AK8: variants seen among roughly 807,000 people sequenced by gnomAD.
The protein encoded by AK8 is adenylate kinase 8.
In AK8, 44 loss-of-function variants were observed where a neutral mutation model predicts 54.6. The observed-to-expected ratio is 0.81, with a 90% CI of 0.63 to 1.04. AK8 has a LOEUF of 1.04. Among genes scored for constraint, AK8 ranks in the 50% least tolerant of loss-of-function variants. AK8 has a pLI of 0.00. For synonymous variants in AK8, 239 were observed against 245.6 expected, an observed-to-expected ratio of 0.97 and a Z score of 0.25; for missense variants, 555 against 613.6, an observed-to-expected ratio of 0.90 and a Z score of 1.01.
intron 2 of AK8, among the ~76,000 whole-genome samples, chr9:132,870,786 C>A (rs994769281): frequency 2.0e-5 from 3 of 152,196 alleles, no homozygotes; most frequent in Non-Finnish European, 2.9e-5. Context: ...GCTATAGTTA[C>A]CCCAGGCCGC....
At chr9:132,777,606 G>A (rs1032047971) in intron 11 of AK8, among the ~76,000 whole-genome samples, 2 of 152,142 alleles carry the variant, frequency 1.3e-5, no homozygotes, top group Non-Finnish European at 2.9e-5. Context: ...CAGCAAATAT[G>A]TCCATTAGCC....
At chr9:132,869,034 G>A (rs1233342391) in intron 2 of AK8, among the ~76,000 whole-genome samples, 1 of 152,136 alleles carries the variant, frequency 6.6e-6, no homozygotes, top group Non-Finnish European at 1.5e-5. Context: ...CAAAAAATTA[G>A]ACAGGCGTGG....
chr9:132,750,871 C>T (rs1180397743), intron 11 of AK8, among the ~76,000 whole-genome samples: 2 of 152,030 alleles, frequency 1.3e-5, no homozygotes, highest in African/African-American at 4.8e-5. Context: ...AGGTCACCGC[C>T]TGGAAGGCCT....
chr9:132,828,834 CA>C (rs558399648), intron 5 of AK8, 108 bp from the exon 6 acceptor site: 192 of 814,428 alleles, frequency 2.4e-4, no homozygotes, highest in Non-Finnish European at 2.7e-4. Context: ...ACTTTTAAGA[CA>C]AAAAAAATGT....
chr9:132,829,652 T>A (rs17149814), intron 5 of AK8, among the ~76,000 whole-genome samples: 14,533 of 151,984 alleles, frequency 0.096, 881 homozygotes, highest in African/African-American at 0.15. Context: ...GGCTAACTTG[T>A]TACAGGATTG....
rs535594973 is a variant in AK8 at position 132,860,129 on chromosome 9, G to A, written c.333+3536C>T. 3.2e-4 allele frequency among the ~76,000 whole-genome samples: 48 copies of A among 152,184 alleles called. No homozygotes were observed. The highest frequency in any genetic ancestry group is 6.8e-3 in the Middle Eastern group (2 of 294). On this transcript the variant is annotated intron_variant, in intron 4 of 12. Transcript: ENST00000298545. The surrounding 1 kb of genome is among the most constrained non-coding windows in gnomAD (Gnocchi z 4.4). The stretch of plus-strand genomic sequence containing the variant: ...TGGCTGGTGTCCAGGGACAGCCAGC[G>A]TCTTCAGGGCATCAAACGTCTCTTC...
At chr9:132,842,701 T>C (rs771052884) in intron 5 of AK8, among the ~76,000 whole-genome samples, 35 of 152,384 alleles carry the variant, frequency 2.3e-4, no homozygotes, top group Middle Eastern at 6.8e-3. Flanking sequence ...CTGGGTCCTC[T>C]GCTCAGTCTC....
chr9:132,809,485 G>C (rs1840894070), intron 10 of AK8, among the ~76,000 whole-genome samples: 2 of 152,186 alleles, frequency 1.3e-5, no homozygotes, highest in Admixed American at 1.3e-4. Context: ...CTGGCCCACA[G>C]TGCAGAGGAA....
intron 5 of AK8, among the ~76,000 whole-genome samples, chr9:132,849,547 G>A (rs1448716863): frequency 6.6e-6 from 1 of 152,168 alleles, no homozygotes; most frequent in African/African-American, 2.4e-5. Flanking sequence ...GCCCACACCT[G>A]GGCAGAAGAC....
At chr9:132,752,398 C>T (rs896419483) in intron 11 of AK8, among the ~76,000 whole-genome samples, 48 of 151,670 alleles carry the variant, frequency 3.2e-4, no homozygotes, top group Non-Finnish European at 5.2e-4. Context: ...TATAGGCGCC[C>T]GCCACCACGC....
At chr9:132,786,354 A>C (rs1252233264) in intron 11 of AK8, among the ~76,000 whole-genome samples, 5 of 152,322 alleles carry the variant, frequency 3.3e-5, no homozygotes, top group Admixed American at 3.3e-4. Context: ...GAAGAATGCC[A>C]AGCACAGTTG....
chr9:132,727,499 A>G lies in AK8; in HGVS notation c.1157T>C (p.Met386Thr), dbSNP rs570204054. The change falls in exon 12 of 13, where the codon ATG becomes ACG. Residue 386 changes from methionine to threonine, a missense_variant. Met to Thr is a moderately conservative substitution (Grantham distance 81). Coordinates refer to ENST00000298545, the MANE Select transcript of AK8 (RefSeq NM_152572.3). ...FFLNVPFDSI[M>T]ERLTLRRIDP... is the part of the protein sequence containing the mutation. ...AATTCTTCTCAGAGTCAGCCGCTCC[A>G]TGATGGAATCAAATGGCACATTCAG... 6 of 1,614,130 alleles carry G rather than the reference A, an allele frequency of 3.7e-6. No individual in the cohort carries two copies. Among genetic ancestry groups the G allele is most frequent in the Admixed American group, 1.7e-5 (1 of 60,028 alleles).
chr9:132,846,142 T>C (rs1172997374), intron 5 of AK8, among the ~76,000 whole-genome samples: 2 of 152,244 alleles, frequency 1.3e-5, no homozygotes, highest in African/African-American at 4.8e-5. Context: ...TGGAATGCTG[T>C]AACTTGTAAA....
At chr9:132,783,183 C>G (rs1321253038) in intron 11 of AK8, among the ~76,000 whole-genome samples, 1 of 152,128 alleles carries the variant, frequency 6.6e-6, no homozygotes, top group Non-Finnish European at 1.5e-5. Context: ...CGGCGCTGGT[C>G]TCAGGGAGAC....
chr9:132,772,977 T>C (rs1470373405), intron 11 of AK8, among the ~76,000 whole-genome samples: 1 of 152,128 alleles, frequency 6.6e-6, no homozygotes, highest in African/African-American at 2.4e-5. Flanking sequence ...CTACAGCCCT[T>C]TCTCCACCCA....
At chr9:132,873,530 T>C (rs1348730185) in intron 2 of AK8, among the ~76,000 whole-genome samples, 1 of 152,260 alleles carries the variant, frequency 6.6e-6, no homozygotes, top group Non-Finnish European at 1.5e-5. Context: ...ACTTTACTTT[T>C]ACTCTACTTT....
chr9:132,763,185 C>T lies in AK8; in HGVS notation c.1121+29449G>A, dbSNP rs190065887. ...GACACCATCTTGAAGCTGGAGCTAC[C>T]GCTGGAGTGTGCCTTGCTTTTGGGG... On this transcript the variant is annotated intron_variant, in intron 11 of 12. Transcript: ENST00000298545. 2.7e-4 allele frequency among the ~76,000 whole-genome samples: 41 copies of T among 152,278 alleles called. No homozygotes were observed. The East Asian group carries it at 3.1e-3, about 11-fold the overall frequency.
At position 132,801,918 on chromosome 9, in the gene AK8, C is replaced by T. The variant is rs191344091; in HGVS notation, c.980-9143G>A. 4.0e-3 allele frequency among the ~76,000 whole-genome samples: 603 copies of T among 152,358 alleles called. 3 individuals carry two copies. Among genetic ancestry groups the T allele is most frequent in the African/African-American group, 0.014 (568 of 41,586 alleles). On this transcript the variant is annotated intron_variant, in intron 10 of 12. Coordinates refer to ENST00000298545, the MANE Select transcript of AK8 (RefSeq NM_152572.3). ...TCACAGGTAGTGGAGCTTGGATTTGCATCCAGCCAATCCAGCTCTGGGGCT... is the reference window on the plus strand; with the variant it reads ...TCACAGGTAGTGGAGCTTGGATTTGTATCCAGCCAATCCAGCTCTGGGGCT...
At chr9:132,843,814 G>A (rs1842632923) in intron 5 of AK8, among the ~76,000 whole-genome samples, 1 of 152,116 alleles carries the variant, frequency 6.6e-6, no homozygotes. Context: ...AGGAGTGAGG[G>A]GGGACTTTGG....
Sources: gnomAD v4.1 joint callset for allele counts (sites outside exome capture counted in the v4.1 genomes callset) on GRCh38, gnomAD v4.1.1 for gene constraint, Gnocchi (gnomAD v3.1) non-coding constraint, MANE v1.5 for transcripts, NCBI Gene and HGNC (gene_info 2026-07-23, HGNC 2026-07-21) for gene names.